The following CNTNAP2 variants were observed in gnomAD, a reference collection of about 807,000 sequenced individuals.
CNTNAP2 encodes the protein contactin-associated protein-like 2.
Under a neutral mutation model 155.2 loss-of-function variants are expected in CNTNAP2, and 98 were observed. That is an observed-to-expected ratio of 0.63 (90% CI 0.54 to 0.75). CNTNAP2 has a LOEUF of 0.75. Among genes scored for constraint, CNTNAP2 ranks in the 30% least tolerant of loss-of-function variants. The pLI is 0.00. For synonymous variants in CNTNAP2, 651 were observed against 631.2 expected (o/e 1.03, Z -0.47); for missense variants, 1,727 against 1,688.1 (o/e 1.02, Z -0.40).
intron 13 of CNTNAP2, chr7:147,831,991 C>T (rs1798553701): frequency 6.6e-6 from 1 of 151,870 alleles, no homozygotes; most frequent in Admixed American, 6.6e-5. Context: ...ATATATACAC[C>T]TACAATGTAC....
intron 1 of CNTNAP2, among the ~76,000 whole-genome samples, chr7:146,680,285 A>G (rs1563185688): frequency 6.6e-6 from 1 of 152,198 alleles, no homozygotes; most frequent in Non-Finnish European, 1.5e-5. Context: ...GGAAATTTAA[A>G]AAACAAAACA....
chr7:147,176,118 C>G (rs1305094375), intron 8 of CNTNAP2, among the ~76,000 whole-genome samples: 5 of 152,156 alleles, frequency 3.3e-5, no homozygotes, highest in African/African-American at 1.2e-4. Flanking sequence ...AAAGGAGCCT[C>G]TCACCTGCAG....
At chr7:146,495,063 C>T (rs895143799) in intron 1 of CNTNAP2, among the ~76,000 whole-genome samples, 2 of 152,070 alleles carry the variant, frequency 1.3e-5, no homozygotes, top group South Asian at 2.1e-4. Context: ...TTGAAGGAGG[C>T]GCTTTGGGCA....
intron 3 of CNTNAP2, among the ~76,000 whole-genome samples, chr7:146,871,793 A>G (rs1391783313): frequency 6.6e-6 from 1 of 151,950 alleles, no homozygotes; most frequent in East Asian, 1.9e-4. Flanking sequence ...CATTAACAGT[A>G]ATGTCTTTAC....
chr7:146,199,536 T>C (rs1225295668), intron 1 of CNTNAP2, among the ~76,000 whole-genome samples: 1 of 152,216 alleles, frequency 6.6e-6, no homozygotes, highest in Admixed American at 6.5e-5. Context: ...AGGAGTTAAA[T>C]AATTAAGGTT....
chr7:147,469,818 C>T (rs549166706), intron 10 of CNTNAP2, among the ~76,000 whole-genome samples: 28 of 152,030 alleles, frequency 1.8e-4, no homozygotes, highest in Non-Finnish European at 3.5e-4. Flanking sequence ...GAGCCCGGCC[C>T]AGGCTGCAAT....
chr7:147,946,202 A>G (rs1257553644), intron 14 of CNTNAP2, among the ~76,000 whole-genome samples: 3 of 152,170 alleles, frequency 2.0e-5, no homozygotes, highest in African/African-American at 7.2e-5. Flanking sequence ...AAATACAGCA[A>G]GACAAACACA....
intron 12 of CNTNAP2, among the ~76,000 whole-genome samples, chr7:147,623,060 A>G (rs1232710827): frequency 6.6e-6 from 1 of 152,128 alleles, no homozygotes. Context: ...GCAAGATTTA[A>G]CCAGGAAGAA....
In CNTNAP2 at chr7:146,814,905, C is replaced by T. The variant is rs1055733332; in HGVS notation, c.209-24806C>T. Among the ~76,000 whole-genome samples the T allele has an allele frequency of 5.3e-5, 8 of 151,896 alleles. No individual in the cohort carries two copies. In the East Asian group the frequency reaches 1.2e-3, roughly 22 times the overall value. The stretch of plus-strand genomic sequence containing the variant: ...GACACACCCACTTATCAGTAAGACA[C>T]GAATGTAACATTTCCTGAGATTTAT... On this transcript the variant is annotated intron_variant, in intron 2 of 23. Coordinates refer to ENST00000361727, the MANE Select transcript of CNTNAP2 (RefSeq NM_014141.6).
chr7:147,062,127 C>CAAAAAA lies in CNTNAP2; in HGVS notation c.550+18111_550+18116dup, dbSNP rs869125044. On this transcript the variant is annotated intron_variant, in intron 4 of 23. Coordinates refer to ENST00000361727, the MANE Select transcript of CNTNAP2 (RefSeq NM_014141.6). ...TGGGCGACAGAGCGAGACTCCGTCT[C>CAAAAAA]AAAAAAAAAAAAAAAAAAAAAAAAA... Among the ~76,000 whole-genome samples the CAAAAAA allele has an allele frequency of 2.5e-3, 111 of 44,934 alleles. 12 individuals are homozygous for CAAAAAA. The highest frequency in any genetic ancestry group is 0.016 in the Middle Eastern group (1 of 64). The allele number at this position is 44,934 out of a possible 152,430, so 29.5% of individuals were successfully genotyped here. A position where few individuals can be genotyped will look rare whatever the true frequency, so the allele number is the denominator to read the frequency against.
chr7:147,186,507 T>C (rs138363278), intron 8 of CNTNAP2, among the ~76,000 whole-genome samples: 2 of 152,270 alleles, frequency 1.3e-5, no homozygotes, highest in African/African-American at 4.8e-5. Context: ...GTCTGTACCG[T>C]AGCCCCTTCC....
At chr7:146,247,753 A>T (rs1269340142) in intron 1 of CNTNAP2, among the ~76,000 whole-genome samples, 1 of 152,198 alleles carries the variant, frequency 6.6e-6, no homozygotes, top group African/African-American at 2.4e-5. Flanking sequence ...CTTAGATTTT[A>T]GGTCAGGTGA....
intron 4 of CNTNAP2, among the ~76,000 whole-genome samples, chr7:147,099,817 C>T (rs528128497): frequency 1.2e-4 from 18 of 152,180 alleles, no homozygotes; most frequent in African/African-American, 3.6e-4. Context: ...ATAGTCTTTT[C>T]GCCAGCAAAA....
intron 1 of CNTNAP2, among the ~76,000 whole-genome samples, chr7:146,217,268 A>T (rs1799129268): frequency 6.6e-6 from 1 of 152,246 alleles, no homozygotes; most frequent in Non-Finnish European, 1.5e-5. Flanking sequence ...CATTTGCTGA[A>T]CATATGTACT....
chr7:148,413,113 C>T (rs1366135690), intron 23 of CNTNAP2, among the ~76,000 whole-genome samples: 1 of 151,704 alleles, frequency 6.6e-6, no homozygotes, highest in Non-Finnish European at 1.5e-5. Flanking sequence ...ATATTGTGGC[C>T]AGGCGTAGCA....
chr7:147,203,841 C>A (rs1303181239), intron 8 of CNTNAP2, among the ~76,000 whole-genome samples: 2 of 152,066 alleles, frequency 1.3e-5, no homozygotes, highest in Non-Finnish European at 2.9e-5. Context: ...AGCTCTACTA[C>A]TAATTGTACC....
chr7:148,284,112 G>T (rs1797038446), intron 21 of CNTNAP2, among the ~76,000 whole-genome samples: 1 of 152,142 alleles, frequency 6.6e-6, no homozygotes, highest in Admixed American at 6.5e-5. Flanking sequence ...ATATTATTTT[G>T]CAGTTTAAAC....
intron 10 of CNTNAP2, among the ~76,000 whole-genome samples, chr7:147,475,951 T>C (rs1798311970): frequency 6.6e-6 from 1 of 152,198 alleles, no homozygotes; most frequent in South Asian, 2.1e-4. Context: ...AATTCTATTC[T>C]ATTGATCTAT....
At chr7:146,309,101 A>C (rs1358983664) in intron 1 of CNTNAP2, among the ~76,000 whole-genome samples, 4 of 152,172 alleles carry the variant, frequency 2.6e-5, no homozygotes, top group African/African-American at 9.7e-5. Flanking sequence ...TAGATATGAG[A>C]AGAACCACCT....
Sources: gnomAD v4.1 joint callset for allele counts (sites outside exome capture counted in the v4.1 genomes callset) on GRCh38, gnomAD v4.1.1 for gene constraint, MANE v1.5 for transcripts, NCBI Gene and HGNC (gene_info 2026-07-23, HGNC 2026-07-21) for gene names.